The following SERPINB12 variants were observed in gnomAD, a reference collection of about 807,000 sequenced individuals.
SERPINB12 encodes serpin family B member 12.
Under a neutral mutation model 41.1 loss-of-function variants are expected in SERPINB12, and 57 were observed. The ratio of observed to expected loss-of-function variants is 1.39; its 90% CI spans 1.12 to 1.73. The LOEUF (loss-of-function observed/expected upper bound fraction) is 1.73, where lower values mean the gene tolerates loss of function less well. SERPINB12 is among the 40% of genes most tolerant of loss of function. The pLI, the probability that SERPINB12 is intolerant of heterozygous loss-of-function variation, is 0.00. For missense variants in SERPINB12, 536 were observed against 501.9 expected, an observed-to-expected ratio of 1.07 and a Z score of -0.65; for synonymous variants, 180 against 181.3, an observed-to-expected ratio of 0.99 and a Z score of 0.06.
upstream of SERPINB12, among the ~76,000 whole-genome samples, chr18:63,537,507 T>C (rs1031304826): frequency 6.6e-6 from 1 of 152,240 alleles, no homozygotes; most frequent in Non-Finnish European, 1.5e-5. Flanking sequence ...AACAGTTTTA[T>C]GCTTGAAAGA....
the SERPINB12 span, among the ~76,000 whole-genome samples, chr18:63,521,920 A>T: frequency 6.6e-6 from 1 of 152,220 alleles, no homozygotes; most frequent in Non-Finnish European, 1.5e-5. Context: ...GAGGAAAGTA[A>T]GATAATTCAG....
At chr18:63,550,886 T>C (rs900994246) in intron 1 of SERPINB12, among the ~76,000 whole-genome samples, 5 of 152,198 alleles carry the variant, frequency 3.3e-5, no homozygotes, top group African/African-American at 1.2e-4. Flanking sequence ...TTCTCCCCAC[T>C]CATTCCTAAG....
At chr18:63,555,767 G>C (rs2144330972) in intron 1 of SERPINB12, among the ~76,000 whole-genome samples, 1 of 152,268 alleles carries the variant, frequency 6.6e-6, no homozygotes, top group Non-Finnish European at 1.5e-5. Flanking sequence ...ACCACAAGCT[G>C]AGAGAGAGGC....
chr18:63,541,308 G>A (rs1910268738), upstream of SERPINB12, among the ~76,000 whole-genome samples: 1 of 152,042 alleles, frequency 6.6e-6, no homozygotes, highest in Non-Finnish European at 1.5e-5. Context: ...TAGTGGGGTA[G>A]GGTCTTCATT....
the SERPINB12 span, among the ~76,000 whole-genome samples, chr18:63,533,767 A>G: frequency 6.6e-6 from 1 of 152,196 alleles, no homozygotes; most frequent in South Asian, 2.1e-4. Flanking sequence ...CCAAAGGAAT[A>G]CATCTACAAG....
Position 63,567,063 on chromosome 18 carries a change from C to G in SERPINB12, c.*52C>G. 5.3e-6 allele frequency: 8 copies of G among 1,495,466 alleles called. No individual in the cohort carries two copies. Among genetic ancestry groups the G allele is most frequent in the Non-Finnish European group, 7.2e-6 (8 of 1,117,334 alleles). 92.6% of individuals were successfully genotyped at this position (1,495,466 alleles called of 1,614,324 possible). ...AGCTGGAGGAAAATATCAATACAAT[C>G]TTCCCCTGGCATAAGATGGGCATTT... On this transcript the variant is annotated 3_prime_UTR_variant, in exon 8 of 8. Transcript: ENST00000382768.
intron 2 of SERPINB12, among the ~76,000 whole-genome samples, chr18:63,556,812 C>A (rs1288569833): frequency 6.6e-6 from 1 of 152,176 alleles, no homozygotes; most frequent in African/African-American, 2.4e-5. Context: ...ATTCTGTTGG[C>A]TTTTCTTTTG....
the SERPINB12 span, among the ~76,000 whole-genome samples, chr18:63,522,701 A>T: frequency 6.6e-6 from 1 of 152,200 alleles, no homozygotes; most frequent in East Asian, 1.9e-4. Flanking sequence ...AGAAATCTGC[A>T]TTCGAGAGTA....
At chr18:63,532,138 G>C in the SERPINB12 span, among the ~76,000 whole-genome samples, 1 of 152,096 alleles carries the variant, frequency 6.6e-6, no homozygotes, top group Non-Finnish European at 1.5e-5. Flanking sequence ...TTTTCTACTA[G>C]GGAAGACTGC....
At chr18:63,551,377 G>A (rs893101784) in intron 1 of SERPINB12, among the ~76,000 whole-genome samples, 2 of 152,058 alleles carry the variant, frequency 1.3e-5, no homozygotes, top group Non-Finnish European at 2.9e-5. Context: ...CCAGGCTGGA[G>A]TGCAATGGCA....
intron 1 of SERPINB12, among the ~76,000 whole-genome samples, chr18:63,553,295 G>A (rs1049680418): frequency 7.9e-5 from 12 of 152,214 alleles, no homozygotes; most frequent in Admixed American, 2.6e-4. Flanking sequence ...CTAGGCATGA[G>A]GAAGTCTTAG....
chr18:63,563,667 C>T (rs1304554413), intron 5 of SERPINB12, among the ~76,000 whole-genome samples: 4 of 152,110 alleles, frequency 2.6e-5, no homozygotes, highest in East Asian at 1.9e-4. Flanking sequence ...GAGGCCGAGG[C>T]GGGCAGATCA....
chr18:63,536,994 C>T, the SERPINB12 span, among the ~76,000 whole-genome samples: 3 of 151,238 alleles, frequency 2.0e-5, no homozygotes, highest in South Asian at 4.2e-4. Flanking sequence ...TCTTGGTAGA[C>T]TAAAAATAAA....
intron 3 of SERPINB12, among the ~76,000 whole-genome samples, chr18:63,559,058 C>CTTTCTTCTT (rs778900558): frequency 1.9e-5 from 2 of 107,514 alleles, no homozygotes; most frequent in South Asian, 3.3e-4. Context: ...TTCTTTCTTT[C>CTTTCTTCTT]TCTCCTTCTT....
intron 1 of SERPINB12, among the ~76,000 whole-genome samples, chr18:63,551,247 C>T (rs111723217): frequency 0.013 from 2,024 of 151,308 alleles, 45 homozygotes; most frequent in African/African-American, 0.047. Flanking sequence ...CCAACCTGGG[C>T]GACAGAGCGA....
At chr18:63,535,915 T>C in the SERPINB12 span, among the ~76,000 whole-genome samples, 19 of 152,224 alleles carry the variant, frequency 1.2e-4, no homozygotes, top group Admixed American at 9.8e-4. Context: ...ATAAGTTACA[T>C]AGATGTGTGT....
intron 1 of SERPINB12, among the ~76,000 whole-genome samples, chr18:63,546,194 C>T (rs951409396): frequency 6.6e-6 from 1 of 152,148 alleles, no homozygotes; most frequent in African/African-American, 2.4e-5. Flanking sequence ...ATAAAGGGCT[C>T]AGTAGGAGAA....
chr18:63,531,048 A>G, the SERPINB12 span, among the ~76,000 whole-genome samples: 2 of 152,212 alleles, frequency 1.3e-5, no homozygotes, highest in Non-Finnish European at 2.9e-5. Flanking sequence ...TCAAGGCCCA[A>G]TAGACCTAAA....
chr18:63,552,188 G>A (rs182222741), intron 1 of SERPINB12, among the ~76,000 whole-genome samples: 72 of 152,288 alleles, frequency 4.7e-4, no homozygotes, highest in Non-Finnish European at 4.6e-4. Context: ...CTCTCTGGGA[G>A]GCCTGCGAAT....
Sources: gnomAD v4.1 joint callset for allele counts (sites outside exome capture counted in the v4.1 genomes callset) on GRCh38, gnomAD v4.1.1 for gene constraint, MANE v1.5 for transcripts, NCBI Gene and HGNC (gene_info 2026-07-23, HGNC 2026-07-21) for gene names.